BMAL2: variants seen among roughly 807,000 people sequenced by gnomAD.
The protein encoded by BMAL2 is basic helix-loop-helix ARNT like 2.
chr12:27,403,308 A>G, the BMAL2 span: 1 of 662,046 alleles, frequency 1.5e-6, no homozygotes, highest in Non-Finnish European at 2.7e-6. Flanking sequence ...TAATGCAAGG[A>G]TGAGTGTTTT....
the BMAL2 span, among the ~76,000 whole-genome samples, chr12:27,359,773 C>T: frequency 6.6e-6 from 1 of 152,168 alleles, no homozygotes; most frequent in African/African-American, 2.4e-5. Context: ...AAAGGCTTTG[C>T]AGTATTGGAA....
chr12:27,359,964 G>A, the BMAL2 span, among the ~76,000 whole-genome samples: 1 of 146,650 alleles, frequency 6.8e-6, no homozygotes, highest in South Asian at 2.2e-4. Flanking sequence ...GAGGTGGGAG[G>A]ATGGCTTGAG....
the BMAL2 span, among the ~76,000 whole-genome samples, chr12:27,381,563 G>C: frequency 6.6e-6 from 1 of 152,066 alleles, no homozygotes; most frequent in Non-Finnish European, 1.5e-5. Flanking sequence ...GTATCAAGGG[G>C]AAAATCCACA....
the BMAL2 span, among the ~76,000 whole-genome samples, chr12:27,369,203 A>T: frequency 6.6e-6 from 1 of 152,228 alleles, no homozygotes; most frequent in South Asian, 2.1e-4. Context: ...GATGACAGTT[A>T]TCCATCATGA....
chr12:27,363,545 G>T, the BMAL2 span, among the ~76,000 whole-genome samples: 1 of 152,054 alleles, frequency 6.6e-6, no homozygotes, highest in Admixed American at 6.6e-5. Flanking sequence ...GTTTCCTTAG[G>T]ATTTTCCTGG....
At chr12:27,405,158 C>T in the BMAL2 span, among the ~76,000 whole-genome samples, 1 of 152,194 alleles carries the variant, frequency 6.6e-6, no homozygotes, top group Non-Finnish European at 1.5e-5. Context: ...CCTCTGTAGA[C>T]TCCATCTCTG....
the BMAL2 span, among the ~76,000 whole-genome samples, chr12:27,416,968 AAAG>A: frequency 6.6e-6 from 1 of 152,204 alleles, no homozygotes; most frequent in South Asian, 2.1e-4. Context: ...AAAAGCAAAA[AAAG>A]AAAATATAAA....
the BMAL2 span, among the ~76,000 whole-genome samples, chr12:27,341,976 G>A: frequency 2.8e-4 from 43 of 152,010 alleles, no homozygotes; most frequent in Admixed American, 2.3e-3. Context: ...TCACTCTGTC[G>A]CCCAGGCCAA....
the BMAL2 span, among the ~76,000 whole-genome samples, chr12:27,360,815 A>AAAAAAAAAAAAAAAAAAAG: frequency 6.7e-6 from 1 of 149,290 alleles, no homozygotes; most frequent in East Asian, 1.9e-4. Context: ...AAAAAAAAAA[A>AAAAAAAAAAAAAAAAAAAG]AAAAAAAAAA....
chr12:27,365,052 T>C, the BMAL2 span, among the ~76,000 whole-genome samples: 3 of 152,048 alleles, frequency 2.0e-5, no homozygotes, highest in African/African-American at 7.2e-5. Flanking sequence ...TTCTATGTAG[T>C]CAATCATATC....
At chr12:27,418,779 ACCAG>A in the BMAL2 span, among the ~76,000 whole-genome samples, 1 of 152,104 alleles carries the variant, frequency 6.6e-6, no homozygotes, top group Non-Finnish European at 1.5e-5. Context: ...GGAGTTCGAG[ACCAG>A]CCTTGCCAAC....
chr12:27,390,221 C>G, the BMAL2 span: 1 of 1,613,646 alleles, frequency 6.2e-7, no homozygotes, highest in Non-Finnish European at 8.5e-7. Context: ...TGGATGCTTA[C>G]CCAACTCAAA....
chr12:27,342,476 C>T, the BMAL2 span, among the ~76,000 whole-genome samples: 1 of 152,298 alleles, frequency 6.6e-6, no homozygotes, highest in South Asian at 2.1e-4. Flanking sequence ...ACCATCCATA[C>T]AGTAGATGGG....
the BMAL2 span, among the ~76,000 whole-genome samples, chr12:27,335,356 G>C: frequency 6.6e-6 from 1 of 152,168 alleles, no homozygotes; most frequent in Admixed American, 6.5e-5. Context: ...GAATCCTTGG[G>C]GTAGGAAGAG....
chr12:27,363,505 G>A, the BMAL2 span, among the ~76,000 whole-genome samples: 1 of 152,096 alleles, frequency 6.6e-6, no homozygotes, highest in East Asian at 1.9e-4. Context: ...TTTTTCAATT[G>A]TAGCCATCAT....
At chr12:27,384,172 T>C in the BMAL2 span, among the ~76,000 whole-genome samples, 1 of 152,176 alleles carries the variant, frequency 6.6e-6, no homozygotes, top group Non-Finnish European at 1.5e-5. Context: ...CTTTGTCGTC[T>C]GTGTCATACG....
At chr12:27,417,956 G>A in the BMAL2 span, 10 of 479,898 alleles carry the variant, frequency 2.1e-5, no homozygotes, top group Admixed American at 2.2e-4. Flanking sequence ...TCATGCCGCT[G>A]CACTCCAGCC....
At chr12:27,372,524 G>T in the BMAL2 span, among the ~76,000 whole-genome samples, 1 of 152,174 alleles carries the variant, frequency 6.6e-6, no homozygotes, top group African/African-American at 2.4e-5. Context: ...ACATGCCTAG[G>T]AGAGAGTTGC....
the BMAL2 span, chr12:27,389,054 C>T: frequency 1.4e-3 from 1,065 of 743,776 alleles, 4 homozygotes; most frequent in Non-Finnish European, 1.2e-3. Context: ...CACACAGTGT[C>T]GTGGACATAT....
Sources: gnomAD v4.1 joint callset for allele counts (sites outside exome capture counted in the v4.1 genomes callset) on GRCh38, gnomAD v4.1.1 for gene constraint, MANE v1.5 for transcripts, NCBI Gene and HGNC (gene_info 2026-07-23, HGNC 2026-07-21) for gene names.